The following CDH18 variants were observed in gnomAD, a reference collection of about 807,000 sequenced individuals.
CDH18 encodes cadherin 18, also known as cadherin-18.
A neutral mutation model predicts 67.9 loss-of-function variants in CDH18; 31 were observed. The ratio of observed to expected loss-of-function variants is 0.46; its 90% CI spans 0.34 to 0.62. The LOEUF is 0.62. Among genes scored for constraint, CDH18 ranks in the 20% least tolerant of loss-of-function variants. CDH18 has a pLI of 0.01. For synonymous variants in CDH18, 362 were observed against 347.2 expected (o/e 1.04, Z -0.48); for missense variants, 890 against 975.5 (o/e 0.91, Z 1.17).
At chr5:20,002,891 C>T (rs866983488) in intron 2 of CDH18, among the ~76,000 whole-genome samples, 3 of 148,548 alleles carry the variant, frequency 2.0e-5, no homozygotes, top group Non-Finnish European at 3.0e-5. Context: ...ATTGGTTTGC[C>T]GATCACGGAA....
At chr5:19,946,178 C>T (rs1373691853) in intron 2 of CDH18, among the ~76,000 whole-genome samples, 1 of 152,036 alleles carries the variant, frequency 6.6e-6, no homozygotes, top group Non-Finnish European at 1.5e-5. Context: ...CTAAAGCCAT[C>T]GAGGCCTGAA....
At chr5:20,364,343 CTGTT>C (rs113958961) in intron 1 of CDH18, among the ~76,000 whole-genome samples, 68,620 of 151,208 alleles carry the variant, frequency 0.45, 16,732 homozygotes, top group Middle Eastern at 0.63. Context: ...TCTAATTAGA[CTGTT>C]TGTTTTTAAA....
intron 10 of CDH18, among the ~76,000 whole-genome samples, chr5:19,504,289 C>CCAAA (rs1399041443): frequency 6.6e-6 from 1 of 152,052 alleles, no homozygotes; most frequent in Non-Finnish European, 1.5e-5. Context: ...CTTTCACCGC[C>CCAAA]TTTCCATCAC....
chr5:19,979,199 T>C (rs1232763674), intron 2 of CDH18, among the ~76,000 whole-genome samples: 3 of 146,136 alleles, frequency 2.1e-5, no homozygotes, highest in East Asian at 2.0e-4. Context: ...CATAAGGTGA[T>C]TGTTGGTGGG....
intron 11 of CDH18, among the ~76,000 whole-genome samples, chr5:19,498,839 T>C (rs750168649): frequency 1.6e-4 from 24 of 152,216 alleles, no homozygotes; most frequent in Admixed American, 3.3e-4. Flanking sequence ...CCATTCCCTC[T>C]TTTCTTGTTA....
At chr5:20,049,707 T>C (rs1016243083) in intron 2 of CDH18, among the ~76,000 whole-genome samples, 8 of 151,670 alleles carry the variant, frequency 5.3e-5, no homozygotes, top group Non-Finnish European at 8.9e-5. Context: ...ATTTCAAGTA[T>C]ACCCCTATAA....
chr5:20,035,356 T>C (rs1739758172), intron 2 of CDH18, among the ~76,000 whole-genome samples: 1 of 152,056 alleles, frequency 6.6e-6, no homozygotes, highest in Non-Finnish European at 1.5e-5. Flanking sequence ...TTTCTGATAC[T>C]AAAACACATA....
chr5:20,449,572 C>T lies in CDH18; in HGVS notation c.-580+125890G>A, dbSNP rs148592644. On this transcript the variant is annotated intron_variant, in intron 1 of 14. Transcript: ENST00000507958. ...TGTTTTAAAATATAATACCCCCTTT[C>T]GTATTGTATCATTAAGAGAAATATA... Among the ~76,000 whole-genome samples the T allele has an allele frequency of 3.1e-4, 47 of 151,992 alleles. 1 individual carries two copies. The highest frequency in any genetic ancestry group is 7.7e-4 in the African/African-American group (32 of 41,490).
At chr5:19,997,484 G>A (rs960232248) in intron 2 of CDH18, among the ~76,000 whole-genome samples, 7 of 152,074 alleles carry the variant, frequency 4.6e-5, no homozygotes, top group Admixed American at 1.3e-4. Flanking sequence ...GGCCATTGCC[G>A]GACAATCTCA....
chr5:19,496,905 G>T (rs1207236223), intron 11 of CDH18, among the ~76,000 whole-genome samples: 1 of 151,244 alleles, frequency 6.6e-6, no homozygotes, highest in Non-Finnish European at 1.5e-5. Context: ...CTGTCCAAAG[G>T]TGTCATCTTG....
At chr5:19,602,688 G>T (rs547836600) in intron 6 of CDH18, among the ~76,000 whole-genome samples, 1 of 152,196 alleles carries the variant, frequency 6.6e-6, no homozygotes, top group Admixed American at 6.5e-5. Flanking sequence ...ACATGGCAGG[G>T]CGTGGTGGCT....
chr5:19,621,925 C>G (rs1166926808), intron 5 of CDH18, among the ~76,000 whole-genome samples: 1 of 152,178 alleles, frequency 6.6e-6, no homozygotes, highest in Non-Finnish European at 1.5e-5. Flanking sequence ...TTAGTCACAT[C>G]CTTCTGCTTT....
At position 19,735,572 on chromosome 5, in the gene CDH18, T is replaced by C. The variant is rs541024985; in HGVS notation, c.523+11370A>G. Among the ~76,000 whole-genome samples the C allele has an allele frequency of 2.0e-5, 3 of 152,124 alleles. No individual in the cohort carries two copies. The South Asian group carries it at 6.2e-4, about 32-fold the overall frequency. On this transcript the variant is annotated intron_variant, in intron 4 of 12. Transcript: ENST00000382275. ...CACCACGCCCGGCTAATTGTTTGTA[T>C]TTTTAGTAGAGATGGGGTTTCACCA...
intron 12 of CDH18, among the ~76,000 whole-genome samples, 171 bp from the exon 13 acceptor site, chr5:19,473,887 T>C (rs1438635503): frequency 6.6e-6 from 1 of 152,158 alleles, no homozygotes; most frequent in Non-Finnish European, 1.5e-5. Flanking sequence ...CGCAAGGTAC[T>C]GTAATGCCTC....
At chr5:20,031,132 A>G (rs534375719) in intron 2 of CDH18, among the ~76,000 whole-genome samples, 162 of 152,212 alleles carry the variant, frequency 1.1e-3, no homozygotes, top group African/African-American at 3.6e-3. Flanking sequence ...TTTAGCAGAA[A>G]GTTATAGATA....
intron 1 of CDH18, among the ~76,000 whole-genome samples, chr5:19,983,641 C>G (rs1409789990): frequency 3.3e-5 from 5 of 152,122 alleles, no homozygotes; most frequent in African/African-American, 1.2e-4. Flanking sequence ...TCAGAACTTT[C>G]TAGTATCCAC....
chr5:20,419,527 G>C (rs1209348996), intron 1 of CDH18, among the ~76,000 whole-genome samples: 2 of 141,122 alleles, frequency 1.4e-5, no homozygotes, highest in Admixed American at 7.3e-5. Flanking sequence ...CCAGGCTGGA[G>C]TGCAGTGGCA....
intron 3 of CDH18, among the ~76,000 whole-genome samples, chr5:19,774,447 T>TAAAATAAAATAAAATAAAAA (rs370475987): frequency 1.4e-5 from 2 of 144,930 alleles, no homozygotes; most frequent in Non-Finnish European, 1.5e-5. Context: ...TAAAATAAAA[T>TAAAATAAAATAAAATAAAAA]AAATAAATAA....
intron 1 of CDH18, among the ~76,000 whole-genome samples, chr5:20,322,705 A>C (rs1313107064): frequency 1.3e-5 from 2 of 152,074 alleles, no homozygotes; most frequent in Non-Finnish European, 2.9e-5. Flanking sequence ...AGCTGCAAGA[A>C]AAAAAATATA....
Sources: allele counts gnomAD v4.1 joint callset (sites outside exome capture counted in the v4.1 genomes callset), GRCh38; gene constraint gnomAD v4.1.1; transcripts MANE v1.5; gene names NCBI Gene and HGNC (gene_info 2026-07-23, HGNC 2026-07-21).